The following IMMP2L variants were observed in gnomAD, a reference collection of about 807,000 sequenced individuals.
IMMP2L encodes the protein inner mitochondrial membrane peptidase subunit 2.
Under a neutral mutation model 19.3 loss-of-function variants are expected in IMMP2L, and 18 were observed. The ratio of observed to expected loss-of-function variants is 0.93; its 90% CI spans 0.64 to 1.38. The LOEUF (loss-of-function observed/expected upper bound fraction) is 1.38, where lower values mean the gene tolerates loss of function less well. Among genes scored for constraint, IMMP2L ranks in the 40% most tolerant of loss-of-function variants. The pLI is 0.00. For missense variants in IMMP2L, 233 were observed against 218.2 expected, an observed-to-expected ratio of 1.07 and a Z score of -0.43; for synonymous variants, 76 against 73.0, an observed-to-expected ratio of 1.04 and a Z score of -0.21.
chr7:110,849,960 C>G (rs1186554573), intron 5 of IMMP2L, among the ~76,000 whole-genome samples: 6 of 151,806 alleles, frequency 4.0e-5, no homozygotes, highest in African/African-American at 1.5e-4. Context: ...AGAGAATGTT[C>G]ATAATATAAT....
At chr7:110,686,016 A>G (rs1349356749) in intron 5 of IMMP2L, among the ~76,000 whole-genome samples, 1 of 152,144 alleles carries the variant, frequency 6.6e-6, no homozygotes, top group Non-Finnish European at 1.5e-5. Flanking sequence ...TCCTAGCAAA[A>G]TAACACTGCA....
At chr7:110,955,303 A>T (rs1305268377) in intron 4 of IMMP2L, among the ~76,000 whole-genome samples, 3 of 151,998 alleles carry the variant, frequency 2.0e-5, no homozygotes, top group Non-Finnish European at 4.4e-5. Context: ...CTAATCTATG[A>T]TTCTTCAGTA....
intron 2 of IMMP2L, 76 bp from the exon 3 acceptor site, chr7:111,487,417 G>T (rs1162517767): frequency 1.2e-6 from 1 of 821,478 alleles, no homozygotes; most frequent in African/African-American, 1.7e-5. Flanking sequence ...TTCACAGCTC[G>T]AGTGGACTGA....
At chr7:111,305,214 G>A (rs558892702) in intron 3 of IMMP2L, among the ~76,000 whole-genome samples, 1 of 152,122 alleles carries the variant, frequency 6.6e-6, no homozygotes, top group Admixed American at 6.6e-5. Context: ...TTGGAGAGAG[G>A]GCTAAATTAT....
At chr7:110,852,241 G>T (rs552591041) in intron 5 of IMMP2L, among the ~76,000 whole-genome samples, 8 of 151,126 alleles carry the variant, frequency 5.3e-5, no homozygotes, top group African/African-American at 1.5e-4. Context: ...TGGATGGATG[G>T]ATGTATACAC....
At position 111,487,232 on chromosome 7, in the gene IMMP2L, A is replaced by C; in HGVS notation, c.239+6T>G. ...TACAAATATAGTATGCTTCTGAGTT[A>C]CTTACACCAATGATACAATGTCACC... On this transcript the variant is annotated splice_donor_region_variant and intron_variant, in intron 3 of 5. Transcript: ENST00000405709. The C allele has an allele frequency of 7.5e-7, 1 of 1,341,630 alleles. No individual in the cohort carries two copies. The highest frequency in any genetic ancestry group is 1.1e-6 in the Non-Finnish European group (1 of 933,034). 83.1% of individuals were successfully genotyped at this position (1,341,630 alleles called of 1,614,324 possible).
At chr7:110,834,513 C>T (rs764297735) in intron 5 of IMMP2L, among the ~76,000 whole-genome samples, 2 of 152,040 alleles carry the variant, frequency 1.3e-5, no homozygotes, top group Non-Finnish European at 2.9e-5. Flanking sequence ...TAGGAGACAA[C>T]CCCTGGAAGG....
At chr7:111,541,868 T>A (rs1848530914) in intron 1 of IMMP2L, among the ~76,000 whole-genome samples, 1 of 152,102 alleles carries the variant, frequency 6.6e-6, no homozygotes, top group African/African-American at 2.4e-5. Context: ...CCTAACCAAC[T>A]GTTATCCAAG....
At chr7:111,177,092 A>G (rs1807154939) in intron 3 of IMMP2L, among the ~76,000 whole-genome samples, 1 of 152,130 alleles carries the variant, frequency 6.6e-6, no homozygotes, top group Admixed American at 6.6e-5. Context: ...AATATTCTTA[A>G]CAAAATGGTC....
chr7:111,283,541 G>C (rs1431984658), intron 3 of IMMP2L, among the ~76,000 whole-genome samples: 1 of 152,150 alleles, frequency 6.6e-6, no homozygotes, highest in Non-Finnish European at 1.5e-5. Flanking sequence ...AGCATGTAGG[G>C]TATGTGGTAG....
At chr7:111,063,757 A>G (rs1020030293) in intron 3 of IMMP2L, among the ~76,000 whole-genome samples, 4 of 152,186 alleles carry the variant, frequency 2.6e-5, no homozygotes, top group African/African-American at 9.6e-5. Flanking sequence ...TCTCTTTGCT[A>G]AAACATAACA....
chr7:111,010,774 G>A (rs1403960001), intron 3 of IMMP2L, among the ~76,000 whole-genome samples: 1 of 152,100 alleles, frequency 6.6e-6, no homozygotes, highest in Non-Finnish European at 1.5e-5. Context: ...TGAAAGGTAA[G>A]CTCAGTGAGC....
At chr7:111,146,231 A>G (rs1321804852) in intron 3 of IMMP2L, among the ~76,000 whole-genome samples, 1 of 109,706 alleles carries the variant, frequency 9.1e-6, no homozygotes, top group Non-Finnish European at 1.8e-5. Flanking sequence ...GAGGAAGGAA[A>G]GAGGTGGGGG....
intron 3 of IMMP2L, among the ~76,000 whole-genome samples, chr7:111,446,766 G>A (rs187022573): frequency 5.9e-5 from 9 of 152,296 alleles, no homozygotes; most frequent in Non-Finnish European, 8.8e-5. Context: ...TCTGAGCTAC[G>A]GGAGGACATT....
chr7:110,748,428 C>A (rs919105184), intron 5 of IMMP2L, among the ~76,000 whole-genome samples: 3 of 152,134 alleles, frequency 2.0e-5, no homozygotes, highest in African/African-American at 7.2e-5. Context: ...CAAAAAACAG[C>A]CTGCATAGCC....
intron 5 of IMMP2L, among the ~76,000 whole-genome samples, chr7:110,823,279 T>C (rs991854347): frequency 5.3e-5 from 8 of 152,036 alleles, no homozygotes; most frequent in Admixed American, 3.3e-4. Context: ...GTACACCTAT[T>C]TTCACACAAA....
chr7:111,451,586 T>G, intron 3 of IMMP2L, among the ~76,000 whole-genome samples: 1 of 127,704 alleles, frequency 7.8e-6, no homozygotes, highest in Non-Finnish European at 1.7e-5. Flanking sequence ...GGGGGAGGGA[T>G]AGCATTGGGA....
At chr7:111,060,986 T>A (rs2129574434) in intron 3 of IMMP2L, among the ~76,000 whole-genome samples, 1 of 152,320 alleles carries the variant, frequency 6.6e-6, no homozygotes, top group African/African-American at 2.4e-5. Flanking sequence ...CATCTCAACA[T>A]TTCTATAATC....
At chr7:110,790,159 A>C (rs2131141806) in intron 5 of IMMP2L, among the ~76,000 whole-genome samples, 1 of 151,708 alleles carries the variant, frequency 6.6e-6, no homozygotes, top group East Asian at 2.0e-4. Context: ...TAAAGGCCAT[A>C]CAAGCAGAGG....
Sources: gnomAD v4.1 joint callset for allele counts (sites outside exome capture counted in the v4.1 genomes callset) on GRCh38, gnomAD v4.1.1 for gene constraint, MANE v1.5 for transcripts, NCBI Gene and HGNC (gene_info 2026-07-23, HGNC 2026-07-21) for gene names.